The following KRR1 variants were observed in gnomAD, a reference collection of about 807,000 sequenced individuals.
KRR1 encodes the protein KRR1 small subunit processome component homolog.
In KRR1, 23 loss-of-function variants were observed where a neutral mutation model predicts 50.0. The observed-to-expected ratio is 0.46, with a 90% CI of 0.33 to 0.65. KRR1 has a LOEUF of 0.65. Ranked by LOEUF, KRR1 falls within the 30% of genes least tolerant of loss-of-function variation. The pLI is 0.02. For missense variants in KRR1, 419 were observed against 442.4 expected, an observed-to-expected ratio of 0.95 and a Z score of 0.47; for synonymous variants, 133 against 146.3, an observed-to-expected ratio of 0.91 and a Z score of 0.66.
intron 6 of KRR1, among the ~76,000 whole-genome samples, chr12:75,504,818 G>A (rs1188036269): frequency 2.6e-5 from 4 of 152,028 alleles, no homozygotes; most frequent in Non-Finnish European, 4.4e-5. Flanking sequence ...AACATGAGAT[G>A]TTCCAGATTT....
chr12:75,510,779 G>A (rs2046444480), intron 1 of KRR1, among the ~76,000 whole-genome samples: 1 of 152,130 alleles, frequency 6.6e-6, no homozygotes, highest in African/African-American at 2.4e-5. Context: ...TGCTATGTAC[G>A]TTACATAATC....
rs775792426 is a variant in KRR1, at chr12:75,498,654, C to T, written c.*1155G>A. ...AAAATAAAACTCTCAACTGTGTCTACCCTTTTAATTTTTTTTCTTTCTTCC... is the reference window on the plus strand; with the variant it reads ...AAAATAAAACTCTCAACTGTGTCTATCCTTTTAATTTTTTTTCTTTCTTCC... On this transcript the variant is annotated 3_prime_UTR_variant, in exon 10 of 10. Coordinates refer to ENST00000229214, the MANE Select transcript of KRR1 (RefSeq NM_007043.7). The T allele has an allele frequency of 1.9e-6, 3 of 1,550,332 alleles. No homozygotes were observed. The highest frequency in any genetic ancestry group is 2.7e-6 in the Non-Finnish European group (3 of 1,122,574).
In KRR1 at chr12:75,491,521, T is replaced by G. The variant is rs962257837; in HGVS notation, c.*8288A>C. On this transcript the variant is annotated 3_prime_UTR_variant, in exon 10 of 10. Transcript: ENST00000229214. ...TCTATTTCCCTATAATTCCTTGAGA[T>G]ACTAGCACGTAAAGACTGTGACCAT... is the stretch of plus-strand genomic sequence containing the variant. 2.0e-5 allele frequency: 3 copies of G among 152,236 alleles called. No homozygotes were observed. The highest frequency in any genetic ancestry group is 6.5e-5 in the Admixed American group (1 of 15,280). The allele number at this position is 152,236 out of a possible 1,614,324, so 9.4% of individuals were successfully genotyped here. A position where few individuals can be genotyped will look rare whatever the true frequency, so the allele number is the denominator to read the frequency against.
At chr12:75,503,116 T>A (rs1414604503) in intron 7 of KRR1, 2 of 152,038 alleles carry the variant, frequency 1.3e-5, no homozygotes, top group Admixed American at 1.3e-4. Context: ...AAGATGGAAT[T>A]CAAAGAACAC....
rs1241368643 is a variant in KRR1, at chr12:75,498,616, G to A, written c.*1193C>T. ...AGCAAGTTAATGGTCATAATTATAA[G>A]ACTTAGCTTTTTAAAATAAAACTCT... On this transcript the variant is annotated 3_prime_UTR_variant, in exon 10 of 10. Coordinates refer to ENST00000229214, the MANE Select transcript of KRR1 (RefSeq NM_007043.7). The A allele has an allele frequency of 8.6e-7, 1 of 1,158,054 alleles. No individual in the cohort carries two copies. The highest frequency in any genetic ancestry group is 1.3e-6 in the Non-Finnish European group (1 of 774,144). The allele number at this position is 1,158,054 out of a possible 1,614,324, so 71.7% of individuals were successfully genotyped here.
intron 7 of KRR1, 139 bp downstream of exon 7, chr12:75,503,765 C>T: frequency 1.4e-6 from 1 of 710,696 alleles, no homozygotes. Context: ...TATTTACCCT[C>T]AGTTTCTTAT....
chr12:75,499,015 C>A lies in KRR1; in HGVS notation c.*794G>T. 1 of 1,436,258 alleles carries A rather than the reference C, an allele frequency of 7.0e-7. No individual in the cohort carries two copies. Among genetic ancestry groups the A allele is most frequent in the East Asian group, 2.4e-5 (1 of 42,266 alleles). 89.0% of individuals were successfully genotyped at this position (1,436,258 alleles called of 1,614,324 possible). On this transcript the variant is annotated 3_prime_UTR_variant, in exon 10 of 10. Coordinates refer to ENST00000229214, the MANE Select transcript of KRR1 (RefSeq NM_007043.7). ...AAAGAAAAAACCCAAAAACCAACCT[C>A]ATTCACATATGGCTTTTTTTTTAAC...
In KRR1 at chr12:75,506,616, C is replaced by CAAAA. The variant is rs35071517; in HGVS notation, c.394-11_394-8dup. 1.2e-3 allele frequency: 1,704 copies of CAAAA among 1,370,114 alleles called. 36 individuals carry two copies. Among genetic ancestry groups the CAAAA allele is most frequent in the South Asian group, 3.6e-3 (234 of 64,698 alleles). 84.9% of individuals were successfully genotyped at this position (1,370,114 alleles called of 1,614,324 possible). A position where few individuals can be genotyped will look rare whatever the true frequency, so the allele number is the denominator to read the frequency against. ...CCTGAAGAATTCGTACTGCCTTTTGCAAAAAAAAAAAAAAAAAGAAGACAT... is the reference window on the plus strand; with the variant it reads ...CCTGAAGAATTCGTACTGCCTTTTGCAAAAAAAAAAAAAAAAAAAAAGAAGACAT... On this transcript the variant is annotated splice_polypyrimidine_tract_variant and splice_region_variant and intron_variant, in intron 3 of 9. Coordinates refer to ENST00000229214, the MANE Select transcript of KRR1 (RefSeq NM_007043.7).
At chr12:75,503,413 AGG>A (rs985396924) in intron 7 of KRR1, 1 of 152,208 alleles carries the variant, frequency 6.6e-6, no homozygotes, top group Non-Finnish European at 1.5e-5. Context: ...AGAAGTAAAA[AGG>A]GGCATGAATC....
chr12:75,500,045 A>G, intron 9 of KRR1, 94 bp from the exon 10 acceptor site: 6 of 912,898 alleles, frequency 6.6e-6, no homozygotes, highest in Non-Finnish European at 9.7e-6. Flanking sequence ...TGTTTAAGGC[A>G]GTTAACTTCA....
intron 1 of KRR1, among the ~76,000 whole-genome samples, chr12:75,510,348 T>C (rs1231873236): frequency 6.6e-6 from 1 of 152,166 alleles, no homozygotes; most frequent in Non-Finnish European, 1.5e-5. Context: ...AGCAGTATTG[T>C]TTATAATTGC....
In KRR1 at chr12:75,503,934, C is replaced by A. The variant is rs112004570; in HGVS notation, c.801G>T (p.Thr267=). ...TTTCTGGTTGTGGTGGTGGGAATGG[C>A]GTATATTCTTTCTTAACAGTTTTTT... ...PKKKTVKKEY[T]PFPPPQPESQ... is the part of the protein sequence containing the mutation. Residue 267 remains threonine (T), a synonymous_variant, in exon 7 of 10, where the codon ACG becomes ACT. Transcript: ENST00000229214. 2.2e-4 allele frequency: 353 copies of A among 1,611,616 alleles called. 1 individual carries two copies. The African/African-American group carries it at 4.0e-3, about 18-fold the overall frequency.
In KRR1 at chr12:75,498,121, G is replaced by GAAAGT. The variant is rs1046595421; in HGVS notation, c.*1683_*1687dup. ...TGGAAAAGGTTTCTATTTTATAAAA[G>GAAAGT]AAAGTATCCAGAAGGCTAAAGGCAG... On this transcript the variant is annotated 3_prime_UTR_variant, in exon 10 of 10. Transcript: ENST00000229214. The GAAAGT allele has an allele frequency of 4.6e-5, 7 of 152,482 alleles. No homozygotes were observed. The highest frequency in any genetic ancestry group is 1.3e-4 in the Admixed American group (2 of 15,272). 9.4% of individuals were successfully genotyped at this position (152,482 alleles called of 1,614,324 possible). A position where few individuals can be genotyped will look rare whatever the true frequency, so the allele number is the denominator to read the frequency against.
At chr12:75,509,704 T>C (rs1031558110) in intron 1 of KRR1, among the ~76,000 whole-genome samples, 3 of 151,896 alleles carry the variant, frequency 2.0e-5, no homozygotes, top group Non-Finnish European at 4.4e-5. Flanking sequence ...TCTATTCTCT[T>C]GCCTCAGCCT....
rs538465586 is a variant in KRR1, at chr12:75,503,187, G to A, written c.831+717C>T. 6.4e-4 allele frequency: 97 copies of A among 152,142 alleles called. 1 individual carries two copies. Among genetic ancestry groups the A allele is most frequent in the Non-Finnish European group, 1.2e-3 (79 of 67,952 alleles). 9.4% of individuals were successfully genotyped at this position (152,142 alleles called of 1,614,324 possible). On this transcript the variant is annotated intron_variant, in intron 7 of 9. Transcript: ENST00000229214. ...ACGTGAGAGAAGAGGAAACAGAAAG[G>A]GGTTCTTATCTGGTGGTCTCAAATA...
rs1033004934 is a variant in KRR1, at chr12:75,498,420, G to C, written c.*1389C>G. 79 of 292,644 alleles carry C rather than the reference G, an allele frequency of 2.7e-4. No individual in the cohort carries two copies. The highest frequency in any genetic ancestry group is 1.7e-3 in the African/African-American group (76 of 46,030). The allele number at this position is 292,644 out of a possible 1,614,324, so 18.1% of individuals were successfully genotyped here. ...TTTTATTTTTTAAATTTTATTACCTGCTAGGTATGATGTGTAAAATGATTT... is the reference window on the plus strand; with the variant it reads ...TTTTATTTTTTAAATTTTATTACCTCCTAGGTATGATGTGTAAAATGATTT... On this transcript the variant is annotated 3_prime_UTR_variant, in exon 10 of 10. Transcript: ENST00000229214.
Position 75,495,086 on chromosome 12 carries a change from G to T in KRR1, c.*4723C>A. 6.6e-6 allele frequency: 1 copy of T among 152,360 alleles called. No individual in the cohort carries two copies. 9.4% of individuals were successfully genotyped at this position (152,360 alleles called of 1,614,324 possible). A position where few individuals can be genotyped will look rare whatever the true frequency, so the allele number is the denominator to read the frequency against. ...TTTTTTGGAAGGCACCAGCCAAATG[G>T]CTCCTATCCAGTGAAAATTATGGAG... On this transcript the variant is annotated 3_prime_UTR_variant, in exon 10 of 10. Transcript: ENST00000229214.
Position 75,497,809 on chromosome 12 carries a change from T to TATTAGTGGTACATAAGATGATTTTA in KRR1, c.*1975_*1999dup, listed in dbSNP as rs1258623304. On this transcript the variant is annotated 3_prime_UTR_variant, in exon 10 of 10. Transcript: ENST00000229214. Reference sequence around the variant, plus strand: ...ACTGTTTTACAAAATGTGCTGGGCATATTAGTGGTACATAAGATGATTTTA... The same window carrying TATTAGTGGTACATAAGATGATTTTA: ...ACTGTTTTACAAAATGTGCTGGGCATATTAGTGGTACATAAGATGATTTTAATTAGTGGTACATAAGATGATTTTA... The TATTAGTGGTACATAAGATGATTTTA allele has an allele frequency of 1.3e-5, 2 of 152,334 alleles. No individual in the cohort carries two copies. The highest frequency in any genetic ancestry group is 3.9e-4 in the East Asian group (2 of 5,184). 9.4% of individuals were successfully genotyped at this position (152,334 alleles called of 1,614,324 possible). A position where few individuals can be genotyped will look rare whatever the true frequency, so the allele number is the denominator to read the frequency against.
chr12:75,491,738 C>CT lies in KRR1; in HGVS notation c.*8070dup, dbSNP rs1282726812. 11 of 151,812 alleles carry CT rather than the reference C, an allele frequency of 7.2e-5. No homozygotes were observed. The highest frequency in any genetic ancestry group is 2.4e-4 in the African/African-American group (10 of 41,334). 9.4% of individuals were successfully genotyped at this position (151,812 alleles called of 1,614,324 possible). A position where few individuals can be genotyped will look rare whatever the true frequency, so the allele number is the denominator to read the frequency against. On this transcript the variant is annotated 3_prime_UTR_variant, in exon 10 of 10. Coordinates refer to ENST00000229214, the MANE Select transcript of KRR1 (RefSeq NM_007043.7). ...TTCACATAATTGTCTATTTATATTCCTTTTTCTGTGAATCATGTGGGCTGA... is the reference window on the plus strand; with the variant it reads ...TTCACATAATTGTCTATTTATATTCCTTTTTTCTGTGAATCATGTGGGCTGA...
Sources: gnomAD v4.1 joint callset for allele counts (sites outside exome capture counted in the v4.1 genomes callset) on GRCh38, gnomAD v4.1.1 for gene constraint, MANE v1.5 for transcripts, NCBI Gene and HGNC (gene_info 2026-07-23, HGNC 2026-07-21) for gene names.